WDR70: variants seen among roughly 807,000 people sequenced by gnomAD.
WDR70 encodes WD repeat-containing protein 70.
Under a neutral mutation model 88.6 loss-of-function variants are expected in WDR70, and 53 were observed. The ratio of observed to expected loss-of-function variants is 0.60; its 90% CI spans 0.48 to 0.75. The LOEUF (loss-of-function observed/expected upper bound fraction) is 0.75, where lower values mean the gene tolerates loss of function less well. WDR70 is among the 30% of genes least tolerant of loss of function. The probability of loss-of-function intolerance (pLI) is 0.00; values close to 1 mark genes in which losing one functional copy is unlikely to be tolerated. For missense variants in WDR70, 610 were observed against 823.2 expected, an observed-to-expected ratio of 0.74 and a Z score of 3.17; for synonymous variants, 280 against 270.0, an observed-to-expected ratio of 1.04 and a Z score of -0.36.
At chr5:37,610,477 G>T (rs9292660) in intron 10 of WDR70, among the ~76,000 whole-genome samples, 4 of 150,322 alleles carry the variant, frequency 2.7e-5, no homozygotes, top group Non-Finnish European at 4.4e-5. Context: ...ATTTTATTCT[G>T]TGCCACTCCT....
intron 13 of WDR70, among the ~76,000 whole-genome samples, chr5:37,719,349 A>ACC (rs540373790): frequency 1.8e-4 from 23 of 129,184 alleles, no homozygotes; most frequent in African/African-American, 4.7e-4. Flanking sequence ...AGCAACAACA[A>ACC]CCCCCCCCCC....
chr5:37,407,952 G>T (rs550290323), intron 5 of WDR70, among the ~76,000 whole-genome samples: 1 of 152,230 alleles, frequency 6.6e-6, no homozygotes, highest in South Asian at 2.1e-4. Context: ...TAATTTGGCT[G>T]CCAGTGACAG....
intron 8 of WDR70, among the ~76,000 whole-genome samples, chr5:37,494,557 A>G (rs1039535872): frequency 3.3e-5 from 5 of 152,208 alleles, no homozygotes; most frequent in African/African-American, 1.2e-4. Context: ...CAAGTTTAGG[A>G]TATTGAAAAT....
chr5:37,600,537 A>AAAAG (rs1253775771), intron 9 of WDR70, among the ~76,000 whole-genome samples: 2 of 151,774 alleles, frequency 1.3e-5, no homozygotes, highest in Non-Finnish European at 2.9e-5. Flanking sequence ...AAAAAAAAAA[A>AAAAG]AAAAAAAGAA....
chr5:37,429,572 G>A (rs1424294795), intron 5 of WDR70, among the ~76,000 whole-genome samples: 1 of 152,062 alleles, frequency 6.6e-6, no homozygotes, highest in Non-Finnish European at 1.5e-5. Flanking sequence ...ATACCCAATT[G>A]TTTGAGTATT....
At chr5:37,592,272 AGT>A (rs983106824) in intron 9 of WDR70, among the ~76,000 whole-genome samples, 1 of 152,214 alleles carries the variant, frequency 6.6e-6, no homozygotes, top group Non-Finnish European at 1.5e-5. Flanking sequence ...TGCATCAAAC[AGT>A]GTGTGTACAT....
At chr5:37,714,826 C>T (rs1747612207) in intron 13 of WDR70, among the ~76,000 whole-genome samples, 1 of 152,196 alleles carries the variant, frequency 6.6e-6, no homozygotes, top group Non-Finnish European at 1.5e-5. Flanking sequence ...TTCACAAATT[C>T]TTCTCAAGTA....
intron 5 of WDR70, among the ~76,000 whole-genome samples, chr5:37,397,440 G>C (rs1749052525): frequency 6.8e-6 from 1 of 147,716 alleles, no homozygotes; most frequent in African/African-American, 2.5e-5. Context: ...TTGCACGCCA[G>C]CCTGGGCAAT....
At chr5:37,413,592 G>A (rs559058496) in intron 5 of WDR70, among the ~76,000 whole-genome samples, 1 of 151,922 alleles carries the variant, frequency 6.6e-6, no homozygotes, top group South Asian at 2.1e-4. Context: ...ATGGTGGCGT[G>A]TGCCTGTGAT....
intron 8 of WDR70, among the ~76,000 whole-genome samples, chr5:37,502,860 T>C (rs58038848): frequency 0.6 from 90,716 of 151,940 alleles, 28,438 homozygotes; most frequent in Non-Finnish European, 0.69. Context: ...CCAGATCTTG[T>C]GAGAACTCAC....
At chr5:37,424,148 C>CAAAAAAAAAAAAAAAAAAAAAAAAAAA (rs11304949) in intron 5 of WDR70, among the ~76,000 whole-genome samples, 1 of 55,492 alleles carries the variant, frequency 1.8e-5, no homozygotes, top group African/African-American at 7.9e-5. Context: ...GACTCCATCT[C>CAAAAAAAAAAAAAAAAAAAAAAAAAAA]AAAAAAAAAA....
chr5:37,627,893 A>C (rs1744711444), intron 10 of WDR70, among the ~76,000 whole-genome samples: 1 of 152,162 alleles, frequency 6.6e-6, no homozygotes, highest in African/African-American at 2.4e-5. Context: ...TGAAGTTGTT[A>C]GGTGAAATAT....
intron 13 of WDR70, among the ~76,000 whole-genome samples, chr5:37,712,966 C>T (rs866325626): frequency 2.0e-5 from 3 of 152,054 alleles, no homozygotes; most frequent in Non-Finnish European, 2.9e-5. Context: ...TCTCCCAAGG[C>T]GATGAGTGAG....
At chr5:37,409,887 CAGTT>C (rs745641704) in intron 5 of WDR70, among the ~76,000 whole-genome samples, 55 of 152,272 alleles carry the variant, frequency 3.6e-4, no homozygotes, top group South Asian at 8.3e-4. Flanking sequence ...ATTCATTCCT[CAGTT>C]AGCAGTGGCT....
chr5:37,415,442 G>C (rs1159322149), intron 5 of WDR70, among the ~76,000 whole-genome samples: 1 of 92,688 alleles, frequency 1.1e-5, no homozygotes, highest in East Asian at 3.3e-4. Flanking sequence ...CGGACGGGGC[G>C]GCTGGCCGGG....
At chr5:37,569,766 A>C (rs111292755) in intron 9 of WDR70, among the ~76,000 whole-genome samples, 1 of 152,332 alleles carries the variant, frequency 6.6e-6, no homozygotes, top group South Asian at 2.1e-4. Context: ...AGAAATTCTA[A>C]TGATAGGAAC....
chr5:37,379,529 G>T lies in WDR70; in HGVS notation c.66G>T (p.Ala22=). The T allele has an allele frequency of 6.2e-7, 1 of 1,614,012 alleles. No individual in the cohort carries two copies. The highest frequency in any genetic ancestry group is 8.5e-7 in the Non-Finnish European group (1 of 1,179,884). Residue 22 remains alanine (A), a synonymous_variant, in exon 2 of 18, where the codon GCG becomes GCT. Transcript: ENST00000265107. ...CGTCGGGACCGGACCCGCAGCTTGC[G>T]GTCACCATGGGCTTCACGGGGTTCG... ...SDASGPDPQL[A]VTMGFTGFGK...
chr5:37,693,512 T>C (rs9764529), intron 10 of WDR70, among the ~76,000 whole-genome samples: 2 of 151,952 alleles, frequency 1.3e-5, no homozygotes. Context: ...CCAAAACAGA[T>C]ATATAGACCA....
chr5:37,618,905 T>C (rs1162167009), intron 10 of WDR70, among the ~76,000 whole-genome samples: 3 of 152,346 alleles, frequency 2.0e-5, no homozygotes, highest in Non-Finnish European at 4.4e-5. Context: ...GGTAAATTCC[T>C]GGACAAGGGT....
Sources: gnomAD v4.1 joint callset for allele counts (sites outside exome capture counted in the v4.1 genomes callset) on GRCh38, gnomAD v4.1.1 for gene constraint, MANE v1.5 for transcripts, NCBI Gene and HGNC (gene_info 2026-07-23, HGNC 2026-07-21) for gene names.